Variants in ITGA2B observed in about 807,000 individuals in gnomAD.
The protein encoded by ITGA2B is integrin alpha-IIb.
A neutral mutation model predicts 142.0 loss-of-function variants in ITGA2B; 91 were observed. The ratio of observed to expected loss-of-function variants is 0.64; its 90% CI spans 0.54 to 0.76. The LOEUF is 0.76. Ranked by LOEUF, ITGA2B falls within the 30% of genes least tolerant of loss-of-function variation. The pLI is 0.00. For synonymous variants in ITGA2B, 536 were observed against 567.2 expected (o/e 0.94, Z 0.78); for missense variants, 1,231 against 1,350.8 (o/e 0.91, Z 1.39).
In ITGA2B at chr17:44,378,855, T is replaced by C. The variant is rs898461216; in HGVS notation, c.1879-145A>G. The C allele has an allele frequency of 1.5e-5, 11 of 710,626 alleles. No homozygotes were observed. The African/African-American group carries it at 1.8e-4, about 11-fold the overall frequency. 44.0% of individuals were successfully genotyped at this position (710,626 alleles called of 1,614,324 possible). A position where few individuals can be genotyped will look rare whatever the true frequency, so the allele number is the denominator to read the frequency against. ...CTGAGGACGAAAAGGAGTTTGTAGA[T>C]GGTATCGGGGCTCGGGTTTATTTGG... On this transcript the variant is annotated intron_variant, in intron 18 of 29. Transcript: ENST00000262407.
intron 29 of ITGA2B, among the ~76,000 whole-genome samples, chr17:44,372,957 G>C (rs2048509771): frequency 6.6e-6 from 1 of 152,050 alleles, no homozygotes; most frequent in African/African-American, 2.4e-5. Context: ...TTTAGAGACA[G>C]GGTCTTTCTG....
chr17:44,380,829 T>C (rs370244936), intron 13 of ITGA2B, 50 bp downstream of exon 13: 5 of 1,608,568 alleles, frequency 3.1e-6, no homozygotes, highest in South Asian at 1.1e-5. Flanking sequence ...TTCCAGCGAA[T>C]GTCCAAGGGC....
At chr17:44,373,828 T>G (rs2048516118) in intron 29 of ITGA2B, 1 of 190,660 alleles carries the variant, frequency 5.2e-6, no homozygotes, top group East Asian at 1.3e-4. Flanking sequence ...CAGTGGTATG[T>G]GTCTGGAAGG....
chr17:44,381,182 G>A (rs952048124), intron 12 of ITGA2B, 121 bp from the exon 13 acceptor site: 9 of 917,700 alleles, frequency 9.8e-6, no homozygotes, highest in African/African-American at 6.7e-5. Context: ...GCAAAGTGTG[G>A]GTGAAGGAGG....
chr17:44,389,491 C>A lies in ITGA2B; in HGVS notation c.-18G>T. 6.2e-7 allele frequency: 1 copy of A among 1,612,452 alleles called. No homozygotes were observed. On this transcript the variant is annotated 5_prime_UTR_variant, in exon 1 of 30. In the 5' UTR this introduces an upstream ATG that the reference lacks. Transcript: ENST00000262407. The stretch of plus-strand genomic sequence containing the variant: ...CTGGCCATCTTCCTTCTTCCACAAC[C>A]TCCCAGGCAGGAATGGGCCAGCTCC...
In ITGA2B at chr17:44,380,647, T is replaced by C; in HGVS notation, c.1394-2A>G. 6.2e-7 allele frequency: 1 copy of C among 1,614,214 alleles called. No homozygotes were observed. Among genetic ancestry groups the C allele is most frequent in the Non-Finnish European group, 8.5e-7 (1 of 1,180,032 alleles). On this transcript the variant is annotated splice_acceptor_variant, in intron 13 of 29. Transcript: ENST00000262407. LOFTEE classifies it high-confidence loss of function. ...CCCCGTAAGCTCCCACGATCAGGTC[T>C]ATAGACATCGAGGAATGGGTCAGAA...
intron 29 of ITGA2B, among the ~76,000 whole-genome samples, chr17:44,372,777 T>C (rs574707046): frequency 3.4e-4 from 51 of 151,772 alleles, no homozygotes; most frequent in African/African-American, 1.2e-3. Context: ...TACAGGTGTG[T>C]GCCACCACGC....
rs1307754829 is a variant in ITGA2B at position 44,385,815 on chromosome 17, G to A, written c.408+9C>T. 2 of 1,604,740 alleles carry A rather than the reference G, an allele frequency of 1.2e-6. No individual in the cohort carries two copies. Among genetic ancestry groups the A allele is most frequent in the Non-Finnish European group, 8.5e-7 (1 of 1,175,524 alleles). ...GATTGTTCCCTGTGCCCTGTACCGC[G>A]GGGCCCACCACAATGACGTCGCTCC... On this transcript the variant is annotated intron_variant, in intron 3 of 29. Coordinates refer to ENST00000262407, the MANE Select transcript of ITGA2B (RefSeq NM_000419.5).
At position 44,388,393 on chromosome 17, in the gene ITGA2B, G is replaced by A. The variant is rs975019218; in HGVS notation, c.188+893C>T. Among the ~76,000 whole-genome samples, 3 of 124,322 alleles carry A rather than the reference G, an allele frequency of 2.4e-5. No individual in the cohort carries two copies. The Admixed American group carries it at 3.1e-4, about 13-fold the overall frequency. The allele number at this position is 124,322 out of a possible 152,430, so 81.6% of individuals were successfully genotyped here. A position where few individuals can be genotyped will look rare whatever the true frequency, so the allele number is the denominator to read the frequency against. The stretch of plus-strand genomic sequence containing the variant: ...TTTTTTGAGACAGAGTTTCGCTCTC[G>A]TTGCCCAGGCTGGAGTGCAATGGCA... On this transcript the variant is annotated intron_variant, in intron 1 of 29. Coordinates refer to ENST00000262407, the MANE Select transcript of ITGA2B (RefSeq NM_000419.5).
At position 44,374,044 on chromosome 17, in the gene ITGA2B, T is replaced by A. The variant is rs534103064; in HGVS notation, c.3060+310A>T. 1.4e-3 allele frequency: 508 copies of A among 371,604 alleles called. 2 individuals carry two copies. The highest frequency in any genetic ancestry group is 2.3e-3 in the Non-Finnish European group (435 of 191,282). 23.0% of individuals were successfully genotyped at this position (371,604 alleles called of 1,614,324 possible). On this transcript the variant is annotated intron_variant, in intron 29 of 29. Coordinates refer to ENST00000262407, the MANE Select transcript of ITGA2B (RefSeq NM_000419.5). Reference sequence around the variant, plus strand: ...CCTCAGCCTCCCGAGTAGCTGAGATTACAGGCATGTGTCAACACGCCCGGC... The same window carrying A: ...CCTCAGCCTCCCGAGTAGCTGAGATAACAGGCATGTGTCAACACGCCCGGC...
chr17:44,372,254 G>A lies in ITGA2B; in HGVS notation c.*110C>T. On this transcript the variant is annotated 3_prime_UTR_variant, in exon 30 of 30. Transcript: ENST00000262407. ...TCTGTTGGGAGGGAAACGACACCAA[G>A]AGGACCCAATGGAACAGCTCCAACC... The A allele has an allele frequency of 9.2e-7, 1 of 1,089,112 alleles. No individual in the cohort carries two copies. Among genetic ancestry groups the A allele is most frequent in the South Asian group, 1.3e-5 (1 of 77,974 alleles). 67.5% of individuals were successfully genotyped at this position (1,089,112 alleles called of 1,614,324 possible).
At chr17:44,378,799 G>A in intron 18 of ITGA2B, 89 bp from the exon 19 acceptor site, 1 of 1,160,254 alleles carries the variant, frequency 8.6e-7, no homozygotes, top group East Asian at 2.6e-5. Context: ...TGGGCTTGGG[G>A]TTCACATAGG....
intron 29 of ITGA2B, chr17:44,373,913 C>CT (rs35905006): frequency 0.019 from 3,571 of 190,692 alleles, 39 homozygotes; most frequent in African/African-American, 0.043. Context: ...CTATTTTTTT[C>CT]TTTTTTTTTT....
At position 44,388,818 on chromosome 17, in the gene ITGA2B, C is replaced by CTTTTTTTT. The variant is rs758076614; in HGVS notation, c.188+460_188+467dup. 6.8e-5 allele frequency among the ~76,000 whole-genome samples: 9 copies of CTTTTTTTT among 132,200 alleles called. 3 individuals carry two copies. Among genetic ancestry groups the CTTTTTTTT allele is most frequent in the Non-Finnish European group, 6.4e-5 (4 of 62,792 alleles). The allele number at this position is 132,200 out of a possible 152,430, so 86.7% of individuals were successfully genotyped here. A position where few individuals can be genotyped will look rare whatever the true frequency, so the allele number is the denominator to read the frequency against. ...AGGTGTGAGCCACTGTGCCTGGTCT[C>CTTTTTTTT]TTTTTTTTTTTTTTTTTTGTATTTT... On this transcript the variant is annotated intron_variant, in intron 1 of 29. Transcript: ENST00000262407.
At chr17:44,376,048 C>T (rs376973137) in intron 24 of ITGA2B, 37 bp downstream of exon 24, 364 of 1,613,898 alleles carry the variant, frequency 2.3e-4, no homozygotes, top group Non-Finnish European at 2.9e-4. Flanking sequence ...TCTGAGGACC[C>T]GCTCACCCCA....
chr17:44,380,780 C>A, intron 13 of ITGA2B, 99 bp downstream of exon 13: 1 of 1,587,266 alleles, frequency 6.3e-7, no homozygotes, highest in Non-Finnish European at 8.7e-7. Context: ...TAGTGGGACA[C>A]CAGGCCAGGC....
At chr17:44,385,378 A>T in intron 4 of ITGA2B, 43 bp from the exon 5 acceptor site, 4 of 1,591,450 alleles carry the variant, frequency 2.5e-6, no homozygotes, top group Non-Finnish European at 3.4e-6. Context: ...GGGTGAAGGG[A>T]GGCGCGCGCG....
chr17:44,384,301 G>C lies in ITGA2B; in HGVS notation c.891+10C>G, dbSNP rs981501820. The C allele has an allele frequency of 1.9e-6, 3 of 1,613,000 alleles. No individual in the cohort carries two copies. The highest frequency in any genetic ancestry group is 1.7e-5 in the Admixed American group (1 of 59,986). On this transcript the variant is annotated intron_variant, in intron 9 of 29. Coordinates refer to ENST00000262407, the MANE Select transcript of ITGA2B (RefSeq NM_000419.5). ...GGGGCTTCGGGAGGCCCAGTGGTGG[G>C]GGCACTTACCGCTCCCAGGGTCCAG...
chr17:44,377,832 T>C, intron 20 of ITGA2B, 42 bp from the exon 21 acceptor site: 1 of 1,296,116 alleles, frequency 7.7e-7, no homozygotes, highest in Non-Finnish European at 1.1e-6. Context: ...CAGAGCATCA[T>C]ATATATATAT....
Sources: allele counts gnomAD v4.1 joint callset (sites outside exome capture counted in the v4.1 genomes callset), GRCh38; gene constraint gnomAD v4.1.1; transcripts MANE v1.5; gene names NCBI Gene and HGNC (gene_info 2026-07-23, HGNC 2026-07-21).